The following VWC2 variants were observed in gnomAD, a reference collection of about 807,000 sequenced individuals.
The protein encoded by VWC2 is brorin.
In VWC2, 14 loss-of-function variants were observed where a neutral mutation model predicts 29.8. The observed-to-expected ratio is 0.47, with a 90% CI of 0.31 to 0.74. The LOEUF (loss-of-function observed/expected upper bound fraction) is 0.74, where lower values mean the gene tolerates loss of function less well. VWC2 is among the 30% of genes least tolerant of loss of function. The pLI, the probability that VWC2 is intolerant of heterozygous loss-of-function variation, is 0.05. For synonymous variants in VWC2, 213 were observed against 199.0 expected, an observed-to-expected ratio of 1.07 and a Z score of -0.59; for missense variants, 457 against 459.8, an observed-to-expected ratio of 0.99 and a Z score of 0.05.
chr7:49,891,167 C>A (rs1045848725), intron 3 of VWC2, among the ~76,000 whole-genome samples: 1 of 152,070 alleles, frequency 6.6e-6, no homozygotes, highest in Non-Finnish European at 1.5e-5. Context: ...TAAAAAGATA[C>A]AAATATGGAC....
At chr7:49,808,929 T>A (rs1788935319) in intron 3 of VWC2, among the ~76,000 whole-genome samples, 1 of 151,942 alleles carries the variant, frequency 6.6e-6, no homozygotes. Flanking sequence ...CTCTGAAAAG[T>A]AGAAAGGCCT....
intron 3 of VWC2, among the ~76,000 whole-genome samples, chr7:49,877,691 A>C (rs1370965684): frequency 6.7e-6 from 1 of 149,552 alleles, no homozygotes; most frequent in Admixed American, 6.7e-5. Context: ...ACTGGGTGTC[A>C]GGAGCCCTCC....
chr7:49,858,427 C>T (rs1000980506), intron 3 of VWC2, among the ~76,000 whole-genome samples: 13 of 151,864 alleles, frequency 8.6e-5, no homozygotes, highest in Non-Finnish European at 1.3e-4. Flanking sequence ...AAGCTGAAAA[C>T]GATCATTCTC....
At chr7:49,827,673 G>A (rs2128710703) in intron 3 of VWC2, among the ~76,000 whole-genome samples, 1 of 151,972 alleles carries the variant, frequency 6.6e-6, no homozygotes, top group East Asian at 1.9e-4. Context: ...CCATTTAAAA[G>A]GTCCACCATG....
intron 3 of VWC2, among the ~76,000 whole-genome samples, chr7:49,857,250 C>G (rs1263590148): frequency 1.3e-5 from 2 of 152,258 alleles, no homozygotes; most frequent in East Asian, 3.9e-4. Flanking sequence ...AGTTTAGCTC[C>G]TCTAGCGACT....
chr7:49,782,715 G>C (rs949376904), intron 2 of VWC2, among the ~76,000 whole-genome samples: 1 of 151,008 alleles, frequency 6.6e-6, no homozygotes, highest in African/African-American at 2.4e-5. Flanking sequence ...GGCCAGGCAT[G>C]TTGGTGTGCT....
chr7:49,878,383 C>T (rs1363456817), intron 3 of VWC2, among the ~76,000 whole-genome samples: 1 of 152,058 alleles, frequency 6.6e-6, no homozygotes, highest in Admixed American at 6.6e-5. Context: ...TGTAGTATTT[C>T]CTTTAGTAAA....
chr7:49,856,041 T>C (rs1245291368), intron 3 of VWC2, among the ~76,000 whole-genome samples: 5 of 152,170 alleles, frequency 3.3e-5, no homozygotes, highest in Non-Finnish European at 7.4e-5. Flanking sequence ...TTCAGGTATA[T>C]AAGGCTGCCT....
At chr7:49,828,644 C>T (rs929509169) in intron 3 of VWC2, among the ~76,000 whole-genome samples, 1 of 152,096 alleles carries the variant, frequency 6.6e-6, no homozygotes, top group Non-Finnish European at 1.5e-5. Flanking sequence ...TCTGTATTTA[C>T]CATGTCTTTT....
chr7:49,872,473 G>GA (rs1445983809), intron 3 of VWC2, among the ~76,000 whole-genome samples: 3 of 151,550 alleles, frequency 2.0e-5, no homozygotes, highest in Admixed American at 1.3e-4. Flanking sequence ...TAAGTGTAGG[G>GA]AAAAAAAGTA....
At chr7:49,897,679 C>T (rs1208941859) in intron 3 of VWC2, among the ~76,000 whole-genome samples, 1 of 152,226 alleles carries the variant, frequency 6.6e-6, no homozygotes, top group African/African-American at 2.4e-5. Context: ...AAAATCACAA[C>T]TTACCTGAGC....
At chr7:49,796,652 T>C (rs1175431588) in intron 2 of VWC2, among the ~76,000 whole-genome samples, 27 of 152,196 alleles carry the variant, frequency 1.8e-4, no homozygotes, top group Admixed American at 1.8e-3. Context: ...TCCTACCTTC[T>C]ATAGTGGAAA....
In VWC2 at chr7:49,775,567, C is replaced by A. The variant is rs1411339348; in HGVS notation, c.132C>A (p.Gly44=). The A allele has an allele frequency of 1.2e-5, 19 of 1,544,044 alleles. No homozygotes were observed. Among genetic ancestry groups the A allele is most frequent in the Non-Finnish European group, 1.6e-5 (18 of 1,147,612 alleles). The change falls in exon 2 of 4, where the codon GGC becomes GGA. Residue 44 remains glycine (G), a synonymous_variant. Transcript: ENST00000340652. ...EKLAQAPEQP[G]QEKREHASRD... is the part of the protein sequence containing the mutation. Reference sequence around the variant, plus strand: ...TGGCCCAGGCACCAGAGCAGCCGGGCCAGGAGAAGCGTGAGCACGCCTCTC... The same window carrying A: ...TGGCCCAGGCACCAGAGCAGCCGGGACAGGAGAAGCGTGAGCACGCCTCTC...
At chr7:49,900,712 G>A (rs1792677214) in intron 3 of VWC2, among the ~76,000 whole-genome samples, 1 of 151,754 alleles carries the variant, frequency 6.6e-6, no homozygotes, top group Non-Finnish European at 1.5e-5. Context: ...AGGATCACTG[G>A]TGAATTATAC....
At chr7:49,872,994 A>C (rs1260673292) in intron 3 of VWC2, among the ~76,000 whole-genome samples, 1 of 151,558 alleles carries the variant, frequency 6.6e-6, no homozygotes, top group African/African-American at 2.4e-5. Flanking sequence ...ATAATTAATA[A>C]AAAAATCTGA....
chr7:49,788,572 G>T (rs776272875), intron 2 of VWC2, among the ~76,000 whole-genome samples: 1 of 148,268 alleles, frequency 6.7e-6, no homozygotes, highest in Non-Finnish European at 1.5e-5. Context: ...TGTGAGTGTG[G>T]GCATGTGCGA....
intron 3 of VWC2, among the ~76,000 whole-genome samples, chr7:49,843,139 C>T (rs1789838858): frequency 6.6e-6 from 1 of 152,176 alleles, no homozygotes; most frequent in Admixed American, 6.5e-5. Context: ...CAATGTTTAG[C>T]TCCCACTTAC....
intron 3 of VWC2, among the ~76,000 whole-genome samples, chr7:49,834,572 G>A (rs1306811774): frequency 2.0e-5 from 3 of 152,196 alleles, no homozygotes; most frequent in African/African-American, 7.2e-5. Flanking sequence ...CTGGTCACGT[G>A]GCAGATGGAG....
intron 3 of VWC2, among the ~76,000 whole-genome samples, chr7:49,817,131 C>T (rs773999385): frequency 8.5e-5 from 13 of 152,170 alleles, no homozygotes; most frequent in Admixed American, 3.9e-4. Flanking sequence ...GTTAAATTTC[C>T]GGCTGTATTT....
Sources: allele counts gnomAD v4.1 joint callset (sites outside exome capture counted in the v4.1 genomes callset), GRCh38; gene constraint gnomAD v4.1.1; transcripts MANE v1.5; gene names NCBI Gene and HGNC (gene_info 2026-07-23, HGNC 2026-07-21).